The following TUBB8B variants were observed in gnomAD, a reference collection of about 807,000 sequenced individuals.
The protein encoded by TUBB8B is HSA18p11 beta-tubulin 4Q pseudogene.
Under a neutral mutation model 31.9 loss-of-function variants are expected in TUBB8B, and 26 were observed. That is an observed-to-expected ratio of 0.81 (90% CI 0.60 to 1.13). TUBB8B has a LOEUF of 1.13. Ranked by LOEUF, TUBB8B falls within the 50% of genes most tolerant of loss-of-function variation. The pLI is 0.00. For missense variants in TUBB8B, 467 were observed against 586.7 expected, an observed-to-expected ratio of 0.80 and a Z score of 2.11; for synonymous variants, 173 against 231.0, an observed-to-expected ratio of 0.75 and a Z score of 2.28.
the TUBB8B span, among the ~76,000 whole-genome samples, chr18:73,090 C>T: frequency 0.61 from 93,381 of 151,866 alleles, 29,375 homozygotes; most frequent in East Asian, 0.98. Flanking sequence ...GCGTTCCTCC[C>T]CCTCTCCCGG....
the TUBB8B span, among the ~76,000 whole-genome samples, chr18:62,853 T>A: frequency 1.3e-5 from 2 of 151,932 alleles, no homozygotes; most frequent in East Asian, 1.9e-4. Flanking sequence ...CTCCTCTGAC[T>A]TTTTCTTTTC....
At chr18:62,276 T>C in the TUBB8B span, among the ~76,000 whole-genome samples, 2 of 151,716 alleles carry the variant, frequency 1.3e-5, no homozygotes, top group African/African-American at 2.4e-5. Context: ...ATCTTTATCC[T>C]TAACCTTTGG....
chr18:48,845 TG>T, intron 3 of TUBB8B, 94 bp downstream of exon 3: 1 of 918,520 alleles, frequency 1.1e-6, no homozygotes, highest in Non-Finnish European at 1.8e-6. Context: ...TCAGGGGCCC[TG>T]GCGCCACAGT....
intron 3 of TUBB8B, 37 bp from the exon 4 acceptor site, chr18:48,484 T>A: frequency 9.1e-7 from 1 of 1,104,784 alleles, no homozygotes; most frequent in Middle Eastern, 2.3e-4. Flanking sequence ...GACGGCCAGG[T>A]ATACGGTCAT....
At chr18:58,906 G>A in the TUBB8B span, among the ~76,000 whole-genome samples, 220 of 151,932 alleles carry the variant, frequency 1.4e-3, 2 homozygotes, top group African/African-American at 5.0e-3. Flanking sequence ...GCCTCTGGAA[G>A]TTTACAGTCA....
the TUBB8B span, among the ~76,000 whole-genome samples, chr18:66,358 C>T: frequency 2.5e-3 from 374 of 152,272 alleles, 2 homozygotes; most frequent in Middle Eastern, 0.017. Context: ...TTGAGGCCAG[C>T]TTGGGCAGGA....
upstream of TUBB8B, among the ~76,000 whole-genome samples, chr18:51,337 T>C (rs200298877): frequency 6.6e-6 from 1 of 151,794 alleles, no homozygotes; most frequent in African/African-American, 2.4e-5. Flanking sequence ...ATAATTCCTA[T>C]ATATCGTGGG....
chr18:55,346 G>A, the TUBB8B span, among the ~76,000 whole-genome samples: 12 of 151,564 alleles, frequency 7.9e-5, no homozygotes, highest in Non-Finnish European at 1.0e-4. Context: ...TGATCCACCC[G>A]CCACAGCCTC....
the TUBB8B span, among the ~76,000 whole-genome samples, chr18:55,556 C>T: frequency 6.6e-6 from 1 of 151,368 alleles, no homozygotes; most frequent in Non-Finnish European, 1.5e-5. Context: ...GGGGGAAGAG[C>T]CCCTTATAAA....
In TUBB8B at chr18:47,848, T is replaced by A; in HGVS notation, c.877A>T (p.Met293Leu). The A allele has an allele frequency of 6.2e-7, 1 of 1,611,350 alleles. No homozygotes were observed. Among genetic ancestry groups the A allele is most frequent in the Non-Finnish European group, 8.5e-7 (1 of 1,179,490 alleles). Residue 293 changes from methionine to leucine, a missense_variant, in exon 4 of 4, where the codon ATG (methionine) becomes TTG (leucine). Met to Leu is a conservative substitution (Grantham distance 15, BLOSUM62 2). Coordinates refer to ENST00000308911, the MANE Select transcript of TUBB8B (RefSeq NM_001358689.2). ...ALTVAELTQQ[M>L]FDAKNMMAAC... ...GCCATCATGTTCTTAGCATCAAACA[T>A]CTGCTGGGTGAGCTCAGCCACAGTC...
At chr18:72,196 A>AAAAAAAAAAAAAAAAAAAAAAAAAAAAC in the TUBB8B span, among the ~76,000 whole-genome samples, 153 of 84,426 alleles carry the variant, frequency 1.8e-3, 21 homozygotes, top group East Asian at 0.016. Flanking sequence ...AAAAAAAAAA[A>AAAAAAAAAAAAAAAAAAAAAAAAAAAAC]AAAGGAAAAA....
the TUBB8B span, among the ~76,000 whole-genome samples, chr18:62,584 A>C: frequency 6.6e-6 from 1 of 151,352 alleles, no homozygotes; most frequent in East Asian, 1.9e-4. Context: ...ACGCCCAGTT[A>C]ATTTCTTTTT....
At chr18:56,186 TTA>T in the TUBB8B span, among the ~76,000 whole-genome samples, 1 of 151,834 alleles carries the variant, frequency 6.6e-6, no homozygotes, top group Admixed American at 6.6e-5. Flanking sequence ...CCATTTGTCT[TTA>T]TGTCTTTTTA....
At chr18:57,399 A>G in the TUBB8B span, among the ~76,000 whole-genome samples, 28 of 152,036 alleles carry the variant, frequency 1.8e-4, no homozygotes, top group Admixed American at 1.3e-3. Flanking sequence ...CAGGACCCAT[A>G]CAAGTCTGAA....
the TUBB8B span, among the ~76,000 whole-genome samples, chr18:72,906 G>A: frequency 6.6e-6 from 1 of 152,106 alleles, no homozygotes; most frequent in African/African-American, 2.4e-5. Context: ...GGCGGAGGTT[G>A]CAGTGAGCCG....
chr18:51,447 A>C (rs1373215216), upstream of TUBB8B, among the ~76,000 whole-genome samples: 1 of 130,662 alleles, frequency 7.7e-6, no homozygotes, highest in Non-Finnish European at 1.7e-5. Context: ...TTTATTTATT[A>C]ATTTATTTTT....
the TUBB8B span, among the ~76,000 whole-genome samples, chr18:59,873 T>C: frequency 6.6e-6 from 1 of 151,806 alleles, no homozygotes; most frequent in African/African-American, 2.4e-5. Flanking sequence ...ATATATCACA[T>C]TGACTGATTT....
the TUBB8B span, among the ~76,000 whole-genome samples, chr18:57,844 G>C: frequency 6.6e-6 from 1 of 151,956 alleles, no homozygotes; most frequent in Non-Finnish European, 1.5e-5. Flanking sequence ...AGGCTCCCAA[G>C]TCTCAACTCT....
the TUBB8B span, among the ~76,000 whole-genome samples, chr18:56,884 A>C: frequency 2.0e-5 from 3 of 151,910 alleles, no homozygotes; most frequent in East Asian, 5.8e-4. Flanking sequence ...TGAAAAATAA[A>C]TCTGGTGCTT....
Sources: gnomAD v4.1 joint callset for allele counts (sites outside exome capture counted in the v4.1 genomes callset) on GRCh38, gnomAD v4.1.1 for gene constraint, MANE v1.5 for transcripts, NCBI Gene and HGNC (gene_info 2026-07-23, HGNC 2026-07-21) for gene names.